The following NAV3 variants were observed in gnomAD, a reference collection of about 807,000 sequenced individuals.
The protein encoded by NAV3 is neuron navigator 3, also known as pore membrane and/or filament interacting like protein 1.
Under a neutral mutation model 244.7 loss-of-function variants are expected in NAV3, and 87 were observed. That is an observed-to-expected ratio of 0.36 (90% CI 0.30 to 0.42). The LOEUF is 0.42. Ranked by LOEUF, NAV3 falls within the 20% of genes least tolerant of loss-of-function variation. NAV3 has a pLI of 1.00. For missense variants in NAV3, 2,663 were observed against 2,893.3 expected, an observed-to-expected ratio of 0.92 and a Z score of 1.83; for synonymous variants, 1,126 against 1,042.2, an observed-to-expected ratio of 1.08 and a Z score of -1.55.
At chr12:78,049,734 A>ATT (rs145667176) in intron 9 of NAV3, among the ~76,000 whole-genome samples, 4 of 151,800 alleles carry the variant, frequency 2.6e-5, no homozygotes, top group African/African-American at 7.2e-5. Context: ...TTTCCAAGTG[A>ATT]TTTTTTTTTA....
intron 2 of NAV3, among the ~76,000 whole-genome samples, chr12:77,725,913 A>C (rs769976384): frequency 6.6e-6 from 1 of 151,826 alleles, no homozygotes; most frequent in Non-Finnish European, 1.5e-5. Flanking sequence ...TCTATCTTCA[A>C]AGCCTTCAAT....
At chr12:77,743,615 C>T (rs1868388331) in intron 2 of NAV3, among the ~76,000 whole-genome samples, 1 of 151,526 alleles carries the variant, frequency 6.6e-6, no homozygotes, top group Admixed American at 6.6e-5. Context: ...TGAAATACTA[C>T]TCATAAATAA....
Position 77,912,899 on chromosome 12 carries a change from A to G in NAV3, c.244-27420A>G, listed in dbSNP as rs535495568. On this transcript the variant is annotated intron_variant, in intron 1 of 39. Coordinates refer to ENST00000397909, the MANE Select transcript of NAV3 (RefSeq NM_001024383.2). ...AGTGCTGGGATTACAGATGTGAGCC[A>G]TGCCGTTTTACATGCATTTTTCAAG... 1.7e-3 allele frequency among the ~76,000 whole-genome samples: 255 copies of G among 152,288 alleles called. 1 individual carries two copies. Among genetic ancestry groups the G allele is most frequent in the Non-Finnish European group, 3.0e-3 (207 of 68,012 alleles).
intron 2 of NAV3, among the ~76,000 whole-genome samples, chr12:77,809,332 G>T (rs1872165640): frequency 6.6e-6 from 1 of 152,206 alleles, no homozygotes; most frequent in Admixed American, 6.5e-5. Flanking sequence ...TGGTCTGTGG[G>T]TTGCAAAGAC....
At chr12:77,683,844 T>G (rs781663807) in intron 2 of NAV3, among the ~76,000 whole-genome samples, 2 of 152,174 alleles carry the variant, frequency 1.3e-5, no homozygotes, top group Admixed American at 6.6e-5. Context: ...CCCCTCCTGC[T>G]GATGGACATT....
At chr12:77,803,136 C>T (rs780360678) in intron 2 of NAV3, among the ~76,000 whole-genome samples, 5 of 152,250 alleles carry the variant, frequency 3.3e-5, no homozygotes, top group South Asian at 2.1e-4. Flanking sequence ...ATGTGCAGAA[C>T]GTGCATGTTT....
At chr12:77,671,559 A>T (rs1024839423) in intron 2 of NAV3, among the ~76,000 whole-genome samples, 32 of 152,196 alleles carry the variant, frequency 2.1e-4, no homozygotes, top group African/African-American at 6.8e-4. Flanking sequence ...CTGGTATAAA[A>T]ATAGGCACCT....
intron 1 of NAV3, among the ~76,000 whole-genome samples, chr12:77,868,842 A>G (rs1880499967): frequency 6.6e-6 from 1 of 151,012 alleles, no homozygotes; most frequent in Non-Finnish European, 1.5e-5. Flanking sequence ...GGCCAAGGCG[A>G]GCGGATTGCC....
At chr12:78,135,679 A>T (rs760537096) in intron 18 of NAV3, among the ~76,000 whole-genome samples, 1 of 152,186 alleles carries the variant, frequency 6.6e-6, no homozygotes, top group Non-Finnish European at 1.5e-5. Flanking sequence ...CACCTTAAAC[A>T]TAAACATTTT....
At chr12:78,003,193 A>T (rs942646229) in intron 7 of NAV3, among the ~76,000 whole-genome samples, 3 of 102,248 alleles carry the variant, frequency 2.9e-5, no homozygotes, top group African/African-American at 9.1e-5. Flanking sequence ...GAGGAGGTGC[A>T]TGAGGATCCA....
chr12:78,152,300 G>C (rs1957108597), intron 22 of NAV3, among the ~76,000 whole-genome samples: 1 of 151,378 alleles, frequency 6.6e-6, no homozygotes, highest in South Asian at 2.1e-4. Flanking sequence ...GCAGTATCTG[G>C]GAATTTATAT....
intron 2 of NAV3, among the ~76,000 whole-genome samples, chr12:77,723,641 T>A (rs185006763): frequency 1.3e-5 from 2 of 152,020 alleles, no homozygotes; most frequent in Non-Finnish European, 1.5e-5. Context: ...CCTTGTTTGC[T>A]TACTGGTCAT....
At chr12:78,149,535 T>G (rs1229787846) in intron 22 of NAV3, among the ~76,000 whole-genome samples, 2 of 152,096 alleles carry the variant, frequency 1.3e-5, no homozygotes, top group Non-Finnish European at 2.9e-5. Flanking sequence ...TATCTTCCAC[T>G]GTGTCAGGGA....
At chr12:77,687,596 A>G (rs1341825541) in intron 2 of NAV3, among the ~76,000 whole-genome samples, 2 of 152,144 alleles carry the variant, frequency 1.3e-5, no homozygotes, top group Non-Finnish European at 2.9e-5. Context: ...TAAACGCACT[A>G]TTGAGTTGCT....
At chr12:77,802,888 C>T (rs1233294973) in intron 2 of NAV3, among the ~76,000 whole-genome samples, 5 of 152,024 alleles carry the variant, frequency 3.3e-5, no homozygotes, top group Non-Finnish European at 2.9e-5. Flanking sequence ...AGGATGGTCT[C>T]GATCTCCTGA....
chr12:78,181,063 C>T lies in NAV3; in HGVS notation c.5692+18C>T, dbSNP rs1403578963. 6.2e-7 allele frequency: 1 copy of T among 1,610,812 alleles called. No homozygotes were observed. The highest frequency in any genetic ancestry group is 8.5e-7 in the Non-Finnish European group (1 of 1,177,890). On this transcript the variant is annotated intron_variant, in intron 30 of 39. Transcript: ENST00000397909. Reference sequence around the variant, plus strand: ...TAGCTCAGGTGATTTAGTGCACATGCTTGCCTGAATCACAGCATACCCATG... The same window carrying T: ...TAGCTCAGGTGATTTAGTGCACATGTTTGCCTGAATCACAGCATACCCATG...
intron 2 of NAV3, among the ~76,000 whole-genome samples, chr12:77,626,844 T>C (rs1871650523): frequency 2.0e-5 from 3 of 152,042 alleles, no homozygotes; most frequent in South Asian, 4.1e-4. Context: ...AAACATGATA[T>C]CTAATATAAT....
At chr12:77,829,625 C>CATT (rs1289951962), upstream of NAV3, among the ~76,000 whole-genome samples, 2 of 152,262 alleles carry the variant, frequency 1.3e-5, no homozygotes, top group African/African-American at 4.8e-5. Flanking sequence ...GAGATTATTT[C>CATT]ATTTCTTTGA....
chr12:77,799,242 A>G (rs190741729), intron 2 of NAV3, among the ~76,000 whole-genome samples: 2 of 152,358 alleles, frequency 1.3e-5, no homozygotes, highest in African/African-American at 4.8e-5. Flanking sequence ...GATGTAGATG[A>G]TAGGAGAAAA....
Sources: allele counts gnomAD v4.1 joint callset (sites outside exome capture counted in the v4.1 genomes callset), GRCh38; gene constraint gnomAD v4.1.1; transcripts MANE v1.5; gene names NCBI Gene and HGNC (gene_info 2026-07-23, HGNC 2026-07-21).